Variants in HELQ observed in about 807,000 individuals in gnomAD.
The protein encoded by HELQ is helicase POLQ-like.
Under a neutral mutation model 111.6 loss-of-function variants are expected in HELQ, and 77 were observed. The ratio of observed to expected loss-of-function variants is 0.69; its 90% CI spans 0.57 to 0.83. The LOEUF is 0.83. Among genes scored for constraint, HELQ ranks in the 40% least tolerant of loss-of-function variants. The pLI, the probability that HELQ is intolerant of heterozygous loss-of-function variation, is 0.00. For synonymous variants in HELQ, 438 were observed against 454.7 expected, an observed-to-expected ratio of 0.96 and a Z score of 0.47; for missense variants, 1,200 against 1,288.5, an observed-to-expected ratio of 0.93 and a Z score of 1.05.
At chr4:83,411,767 T>C (rs937801933) in intron 17 of HELQ, among the ~76,000 whole-genome samples, 5 of 151,804 alleles carry the variant, frequency 3.3e-5, no homozygotes, top group Admixed American at 2.0e-4. Context: ...TGCAGCCTCA[T>C]GAGTACCACA....
intron 3 of HELQ, 51 bp from the exon 4 acceptor site, chr4:83,447,086 G>T: frequency 3.3e-6 from 1 of 304,018 alleles, no homozygotes; most frequent in Non-Finnish European, 4.7e-6. Flanking sequence ...TGTGGCCAAT[G>T]CCTGTAATCC....
chr4:83,445,760 A>T (rs1469160414), intron 5 of HELQ, among the ~76,000 whole-genome samples: 2 of 152,244 alleles, frequency 1.3e-5, no homozygotes, highest in Non-Finnish European at 2.9e-5. Flanking sequence ...CTTGTTTTAC[A>T]GATAAAGAAA....
At chr4:83,432,899 A>C (rs1720231421) in intron 9 of HELQ, among the ~76,000 whole-genome samples, 1 of 151,866 alleles carries the variant, frequency 6.6e-6, no homozygotes, top group Non-Finnish European at 1.5e-5. Flanking sequence ...CAACAACAAC[A>C]ACAACAAAAA....
intron 17 of HELQ, among the ~76,000 whole-genome samples, chr4:83,408,936 T>C (rs1468354409): frequency 6.6e-6 from 1 of 152,090 alleles, no homozygotes; most frequent in Admixed American, 6.5e-5. Flanking sequence ...TGTGGGACTC[T>C]AGGAGGCAGT....
chr4:83,428,083 G>A (rs1432833657), intron 12 of HELQ, among the ~76,000 whole-genome samples: 3 of 152,088 alleles, frequency 2.0e-5, no homozygotes, highest in Non-Finnish European at 4.4e-5. Context: ...ATAGATGACT[G>A]TAGTATTAAA....
At chr4:83,421,856 T>C in intron 14 of HELQ, 120 bp from the exon 15 acceptor site, 1 of 712,004 alleles carries the variant, frequency 1.4e-6, no homozygotes. Context: ...AATAATTCCA[T>C]AGAAACAAAA....
At chr4:83,411,125 A>G (rs1015318759) in intron 17 of HELQ, among the ~76,000 whole-genome samples, 1 of 146,016 alleles carries the variant, frequency 6.8e-6, no homozygotes, top group African/African-American at 2.6e-5. Flanking sequence ...GTGCCACTGC[A>G]TTCCAGTTGG....
At chr4:83,421,793 T>C (rs1324079715) in intron 14 of HELQ, 57 bp from the exon 15 acceptor site, 1 of 1,385,974 alleles carries the variant, frequency 7.2e-7, no homozygotes, top group African/African-American at 1.4e-5. Context: ...ATGTATGTTA[T>C]TAAAATTGGA....
Position 83,453,595 on chromosome 4 carries a change from A to G in HELQ, c.648T>C (p.His216=). The G allele has an allele frequency of 1.2e-6, 2 of 1,612,666 alleles. No individual in the cohort carries two copies. Among genetic ancestry groups the G allele is most frequent in the Non-Finnish European group, 1.7e-6 (2 of 1,178,780 alleles). Residue 216 remains histidine (H), a synonymous_variant, in exon 2 of 18, where the codon CAT becomes CAC. Transcript: ENST00000295488. The stretch of plus-strand genomic sequence containing the variant: ...ACTTCCAATCCCTTTCTTTCATAGA[A>G]TGATCACCCAAATCATTTGAAGAGT... ...LQNSSNDLGD[H]SMKERDWKSS...
At chr4:83,447,326 G>A (rs1276895459) in intron 3 of HELQ, among the ~76,000 whole-genome samples, 1 of 152,008 alleles carries the variant, frequency 6.6e-6, no homozygotes, top group Non-Finnish European at 1.5e-5. Context: ...CAGCCTGGGC[G>A]ACAGAGCAAG....
chr4:83,433,001 A>G (rs1720238148), intron 9 of HELQ, among the ~76,000 whole-genome samples: 1 of 152,134 alleles, frequency 6.6e-6, no homozygotes. Context: ...TTGAGGCTGC[A>G]GTAAATCGTG....
At chr4:83,410,006 T>G (rs1739000598) in intron 17 of HELQ, among the ~76,000 whole-genome samples, 1 of 152,062 alleles carries the variant, frequency 6.6e-6, no homozygotes, top group Admixed American at 6.6e-5. Context: ...ATCCCAGCAC[T>G]TTGGGAGGTT....
At position 83,440,012 on chromosome 4, in the gene HELQ, C is replaced by T; in HGVS notation, c.1663-4G>A. On this transcript the variant is annotated splice_polypyrimidine_tract_variant and splice_region_variant and intron_variant, in intron 7 of 17. Coordinates refer to ENST00000295488, the MANE Select transcript of HELQ (RefSeq NM_133636.5). The stretch of plus-strand genomic sequence containing the variant: ...TCTTTTTTAGGGTATCAGAATACTG[C>T]AAAACAACAAGATGTAGGAACAAAG... The T allele has an allele frequency of 1.9e-6, 3 of 1,603,028 alleles. No individual in the cohort carries two copies. Among genetic ancestry groups the T allele is most frequent in the Non-Finnish European group, 2.6e-6 (3 of 1,176,222 alleles).
intron 3 of HELQ, among the ~76,000 whole-genome samples, chr4:83,447,487 C>T (rs917666777): frequency 6.6e-6 from 1 of 152,166 alleles, no homozygotes; most frequent in African/African-American, 2.4e-5. Flanking sequence ...GTAAGAAATG[C>T]TGTAATGTCT....
chr4:83,431,164 CCTAGCA>C (rs1720123681), intron 11 of HELQ, among the ~76,000 whole-genome samples: 1 of 151,464 alleles, frequency 6.6e-6, no homozygotes, highest in Non-Finnish European at 1.5e-5. Context: ...TGCCTATAAT[CCTAGCA>C]CTTTGGGAGG....
At chr4:83,438,751 A>G (rs1285473292) in intron 8 of HELQ, among the ~76,000 whole-genome samples, 3 of 67,798 alleles carry the variant, frequency 4.4e-5, no homozygotes, top group Admixed American at 2.2e-4. Context: ...GTCTCAGGAA[A>G]AAAAAAAAAA....
Position 83,455,647 on chromosome 4 carries a change from T to C in HELQ, c.47A>G (p.Lys16Arg), listed in dbSNP as rs150540222. ...ACACCCCAAGCTTGGACGGTTCCTTTTGGGGAGAGACACCCGCCGGCGGAT... is the reference window on the plus strand; with the variant it reads ...ACACCCCAAGCTTGGACGGTTCCTTCTGGGGAGAGACACCCGCCGGCGGAT... ...SRIRRRVSLP[K>R]RNRPSLGCIF... is the part of the protein sequence containing the mutation. The change falls in exon 1 of 18, where the codon AAA (lysine) becomes AGA (arginine). Residue 16 changes from lysine to arginine, a missense_variant. Around this residue, in one of 3 missense-constraint regions of HELQ, gnomAD observed 610 missense variants for 607.1 expected, o/e 1.00. Transcript: ENST00000295488. 2.0e-3 allele frequency: 3,178 copies of C among 1,613,048 alleles called. 11 individuals carry two copies. The highest frequency in any genetic ancestry group is 2.5e-3 in the Non-Finnish European group (2,951 of 1,179,978).
chr4:83,445,745 T>A (rs187469520), intron 5 of HELQ, among the ~76,000 whole-genome samples: 2 of 152,256 alleles, frequency 1.3e-5, no homozygotes, highest in Non-Finnish European at 2.9e-5. Context: ...GGTACCATTA[T>A]TATCCTTGTT....
At chr4:83,450,222 T>TAA (rs71668650) in intron 2 of HELQ, among the ~76,000 whole-genome samples, 828 of 45,558 alleles carry the variant, frequency 0.018, 196 homozygotes, top group East Asian at 0.18. Flanking sequence ...CAGTTAAGTT[T>TAA]AAAAAAAAAA....
Sources: allele counts gnomAD v4.1 joint callset (sites outside exome capture counted in the v4.1 genomes callset), GRCh38; gene constraint gnomAD v4.1.1; regional missense constraint gnomAD v4.1.1; transcripts MANE v1.5; gene names NCBI Gene and HGNC (gene_info 2026-07-23, HGNC 2026-07-21).